PCDHA10: variants seen among roughly 807,000 people sequenced by gnomAD.
PCDHA10 encodes the protein protocadherin alpha-10.
PCDHA10 carries 45 observed loss-of-function variants against 61.2 expected under a neutral mutation model. The ratio of observed to expected loss-of-function variants is 0.74; its 90% CI spans 0.58 to 0.94. The LOEUF (loss-of-function observed/expected upper bound fraction) is 0.94, where lower values mean the gene tolerates loss of function less well. Among genes scored for constraint, PCDHA10 ranks in the 40% least tolerant of loss-of-function variants. PCDHA10 has a pLI of 0.00. For missense variants in PCDHA10, 1,278 were observed against 1,236.2 expected (o/e 1.03, Z -0.51); for synonymous variants, 602 against 548.8 (o/e 1.10, Z -1.35).
chr5:141,010,408 A>G lies in PCDHA10; in HGVS notation c.*471A>G. 1 of 1,251,364 alleles carries G rather than the reference A, an allele frequency of 8.0e-7. No homozygotes were observed. Among genetic ancestry groups the G allele is most frequent in the Non-Finnish European group, 1.1e-6 (1 of 926,828 alleles). 77.5% of individuals were successfully genotyped at this position (1,251,364 alleles called of 1,614,324 possible). ...GGCTGAGACGAGCCAGCTTAGACTA[A>G]TTGGTACAAGGAAGGCAAGAAAACA... On this transcript the variant is annotated 3_prime_UTR_variant, in exon 4 of 4. Transcript: ENST00000307360.
intron 1 of PCDHA10, among the ~76,000 whole-genome samples, chr5:140,936,014 T>C (rs1405282987): frequency 4.0e-5 from 6 of 151,334 alleles, no homozygotes; most frequent in Non-Finnish European, 8.8e-5. Flanking sequence ...CACCTCAGCC[T>C]CCCGAGTAGC....
intron 1 of PCDHA10, chr5:140,877,122 G>C: frequency 2.5e-6 from 4 of 1,613,718 alleles, no homozygotes; most frequent in Non-Finnish European, 3.4e-6. Context: ...GCAACGTGAC[G>C]CTGCAGGTGT....
At chr5:140,909,851 G>A (rs555110598) in intron 1 of PCDHA10, among the ~76,000 whole-genome samples, 17 of 152,228 alleles carry the variant, frequency 1.1e-4, no homozygotes, top group East Asian at 3.9e-4. Flanking sequence ...GGACGTTTTC[G>A]GTCCCCTGGA....
chr5:140,971,698 A>G (rs969936167), intron 1 of PCDHA10, among the ~76,000 whole-genome samples: 16 of 151,980 alleles, frequency 1.1e-4, no homozygotes, highest in Non-Finnish European at 2.2e-4. Context: ...CTCACTAACC[A>G]CCCTGCTATA....
At chr5:140,865,422 A>G (rs1381017187) in intron 1 of PCDHA10, 2 of 152,214 alleles carry the variant, frequency 1.3e-5, no homozygotes, top group African/African-American at 4.8e-5. Context: ...AGTAGTGTCT[A>G]CCTAGAAAAA....
chr5:140,974,672 T>G lies in PCDHA10; in HGVS notation c.2389-4277T>G, dbSNP rs186958750. On this transcript the variant is annotated intron_variant, in intron 1 of 3. Coordinates refer to ENST00000307360, the MANE Select transcript of PCDHA10 (RefSeq NM_018901.4). ...GATTACAGGCATGCGCCACCATGCC[T>G]GGCTAATTTTGTATTTTTGGGTTTC... 4.6e-3 allele frequency among the ~76,000 whole-genome samples: 694 copies of G among 152,134 alleles called. 4 individuals are homozygous for G. Among genetic ancestry groups the G allele is most frequent in the African/African-American group, 0.016 (672 of 41,518 alleles).
chr5:140,922,577 T>A (rs155818), intron 1 of PCDHA10, among the ~76,000 whole-genome samples: 2 of 152,016 alleles, frequency 1.3e-5, no homozygotes, highest in East Asian at 1.9e-4. Flanking sequence ...AGTTGCCCTG[T>A]AGCCGCCAGT....
At chr5:140,993,817 T>C (rs1467199618) in intron 3 of PCDHA10, among the ~76,000 whole-genome samples, 2 of 152,240 alleles carry the variant, frequency 1.3e-5, no homozygotes, top group Non-Finnish European at 2.9e-5. Context: ...CTAGGAGCAA[T>C]AGGCTATACC....
intron 1 of PCDHA10, among the ~76,000 whole-genome samples, chr5:140,891,825 G>T (rs2153435686): frequency 6.6e-6 from 1 of 152,302 alleles, no homozygotes; most frequent in East Asian, 1.9e-4. Flanking sequence ...TAACGGCACT[G>T]TAAAAGGACT....
chr5:140,915,205 C>G (rs1554196797), intron 1 of PCDHA10, among the ~76,000 whole-genome samples: 1 of 152,076 alleles, frequency 6.6e-6, no homozygotes, highest in Non-Finnish European at 1.5e-5. Flanking sequence ...TCTTGGCCTC[C>G]CAAAGTGCTG....
intron 1 of PCDHA10, chr5:140,860,992 T>C (rs173699): frequency 1 from 152,392 of 152,392 alleles, 76,196 homozygotes; most frequent in Non-Finnish European, 1. Context: ...CGGCCTCGGC[T>C]TCCCAAAGTG....
intron 1 of PCDHA10, chr5:140,871,015 G>A (rs1554164977): frequency 1.9e-6 from 3 of 1,613,126 alleles, no homozygotes; most frequent in East Asian, 2.2e-5. Flanking sequence ...TGCCCTGGAC[G>A]AGGCAGACTC....
At chr5:140,957,373 T>G (rs906109440) in intron 1 of PCDHA10, among the ~76,000 whole-genome samples, 1 of 152,192 alleles carries the variant, frequency 6.6e-6, no homozygotes, top group Non-Finnish European at 1.5e-5. Flanking sequence ...ACTTTTATTA[T>G]AGTGTATTGT....
At chr5:140,990,288 C>T (rs537252814) in intron 3 of PCDHA10, among the ~76,000 whole-genome samples, 1 of 152,226 alleles carries the variant, frequency 6.6e-6, no homozygotes, top group South Asian at 2.1e-4. Context: ...TTGAGATTAT[C>T]GATGCCATTG....
At chr5:140,888,213 T>A (rs1460298215) in intron 1 of PCDHA10, among the ~76,000 whole-genome samples, 1 of 152,170 alleles carries the variant, frequency 6.6e-6, no homozygotes, top group East Asian at 1.9e-4. Context: ...CTGGATTTTG[T>A]GTGTGTGTGC....
At chr5:140,944,880 C>T (rs1275494519) in intron 1 of PCDHA10, among the ~76,000 whole-genome samples, 1 of 152,150 alleles carries the variant, frequency 6.6e-6, no homozygotes, top group Non-Finnish European at 1.5e-5. Flanking sequence ...ACCTACTCCA[C>T]TGTACAGTTC....
intron 1 of PCDHA10, among the ~76,000 whole-genome samples, chr5:140,891,886 G>A (rs1554184992): frequency 1.3e-5 from 2 of 152,186 alleles, no homozygotes; most frequent in East Asian, 1.9e-4. Context: ...GTCATGTGAC[G>A]ATGCAGCAAG....
intron 1 of PCDHA10, among the ~76,000 whole-genome samples, chr5:140,888,467 A>C (rs562447782): frequency 7.2e-5 from 11 of 152,334 alleles, no homozygotes; most frequent in African/African-American, 2.6e-4. Flanking sequence ...TCAAAATGTC[A>C]GTAGTTCCAC....
chr5:140,938,904 C>A (rs1254151220), intron 1 of PCDHA10, among the ~76,000 whole-genome samples: 1 of 152,070 alleles, frequency 6.6e-6, no homozygotes, highest in Admixed American at 6.5e-5. Context: ...TGCGCACACA[C>A]ACACACGCAC....
Sources: allele counts gnomAD v4.1 joint callset (sites outside exome capture counted in the v4.1 genomes callset), GRCh38; gene constraint gnomAD v4.1.1; transcripts MANE v1.5; gene names NCBI Gene and HGNC (gene_info 2026-07-23, HGNC 2026-07-21).